Variants in PCNX2 observed in about 807,000 individuals in gnomAD.
The protein encoded by PCNX2 is pecanex-like protein 2.
PCNX2 carries 168 observed loss-of-function variants against 223.8 expected under a neutral mutation model. The ratio of observed to expected loss-of-function variants is 0.75; its 90% confidence interval spans 0.66 to 0.85. The LOEUF (loss-of-function observed/expected upper bound fraction) is 0.85. Among genes scored for constraint, PCNX2 ranks in the 40% least tolerant of loss-of-function variants. The pLI is 0.00. For missense variants in PCNX2, 2,507 were observed against 2,675.5 expected (o/e 0.94, Z 1.39); for synonymous variants, 1,006 against 1,052.6 (o/e 0.96, Z 0.86).
chr1:232,986,225 C>T lies in PCNX2; in HGVS notation c.6107G>A (p.Arg2036Lys). 1.3e-6 allele frequency: 2 copies of T among 1,559,408 alleles called. No individual in the cohort carries two copies. The highest frequency in any genetic ancestry group is 1.7e-6 in the Non-Finnish European group (2 of 1,151,430). ...SSTLSFLFGKRSFSSALVISG... is the reference protein window; with the variant it reads ...SSTLSFLFGKKSFSSALVISG... ...AATGACGAGCGCGCTGGAAAAGCTC[C>T]TCTTGCCGAAGAGGAAGCTCAGGGT... Residue 2036 changes from arginine (R) to lysine (K), a missense_variant, in exon 33 of 34, where the codon AGG becomes AAG. Arg to Lys is a conservative substitution (Grantham distance 26, BLOSUM62 2). Coordinates refer to ENST00000258229, the MANE Select transcript of PCNX2 (RefSeq NM_014801.4).
intron 27 of PCNX2, chr1:233,016,659 A>G (rs927000355): frequency 1.7e-5 from 9 of 530,096 alleles, no homozygotes; most frequent in Non-Finnish European, 2.2e-5. Context: ...TGTTTAAGTT[A>G]TAATAGAGGC....
rs377706034 is a variant in PCNX2 at position 233,085,814 on chromosome 1, G to A, written c.4076+4247C>T. Among the ~76,000 whole-genome samples, 7 of 152,238 alleles carry A rather than the reference G, an allele frequency of 4.6e-5. No individual in the cohort carries two copies. The East Asian group carries it at 1.4e-3, about 29-fold the overall frequency. ...AGGCTACACGAAAAGAGAGAAAGAT[G>A]TCCAGTTAGTCCCCAGCAGTTCCGA... is the stretch of plus-strand genomic sequence containing the variant. On this transcript the variant is annotated intron_variant, in intron 23 of 33. Transcript: ENST00000258229.
intron 28 of PCNX2, among the ~76,000 whole-genome samples, chr1:233,010,504 G>A (rs1670429529): frequency 6.6e-6 from 1 of 152,338 alleles, no homozygotes; most frequent in East Asian, 1.9e-4. Context: ...AACCTCGAAG[G>A]ATGGAACATC....
At chr1:233,165,112 G>A (rs1177825728) in intron 17 of PCNX2, among the ~76,000 whole-genome samples, 1 of 152,104 alleles carries the variant, frequency 6.6e-6, no homozygotes, top group Non-Finnish European at 1.5e-5. Context: ...ATACATGTAT[G>A]AAAACATCAC....
intron 9 of PCNX2, among the ~76,000 whole-genome samples, chr1:233,235,957 A>AAAATATATATGTGTATATATATAT (rs369886650): frequency 1.1e-5 from 1 of 93,114 alleles, no homozygotes; most frequent in African/African-American, 3.9e-5. Context: ...CATAAAAAAA[A>AAAATATATATGTGTATATATATAT]ATATATATAT....
At chr1:233,273,656 C>A (rs576850694) in intron 1 of PCNX2, among the ~76,000 whole-genome samples, 4 of 148,480 alleles carry the variant, frequency 2.7e-5, no homozygotes, top group Admixed American at 2.0e-4. Context: ...TAGAATCTTA[C>A]TCTGTCGCCA....
At chr1:233,297,890 A>G (rs1046089657), upstream of PCNX2, among the ~76,000 whole-genome samples, 2 of 152,204 alleles carry the variant, frequency 1.3e-5, no homozygotes, top group African/African-American at 4.8e-5. Context: ...TAAGGCTTAG[A>G]GATCAATTCA....
intron 1 of PCNX2, among the ~76,000 whole-genome samples, chr1:233,271,965 G>T (rs1312430901): frequency 3.3e-5 from 5 of 152,132 alleles, no homozygotes; most frequent in South Asian, 2.1e-4. Context: ...GGGCTCCTTG[G>T]TGGTTCCATA....
chr1:233,252,643 G>A lies in PCNX2; in HGVS notation c.1980C>T (p.Ala660=). ...TAAATTAAGTAACTTATCCTTACAA[G>A]GCTGTGGTCTTGGCAGGCTGAGTGC... is the stretch of plus-strand genomic sequence containing the variant. ...PACTQPAKTT[A]FFQGNRQRQI... is the part of the protein sequence containing the mutation. Residue 660 remains alanine (A), a splice_region_variant and synonymous_variant, in exon 6 of 34, where the codon GCC becomes GCT. Transcript: ENST00000258229. 3.1e-6 allele frequency: 5 copies of A among 1,609,446 alleles called. No individual in the cohort carries two copies. Among genetic ancestry groups the A allele is most frequent in the Non-Finnish European group, 3.4e-6 (4 of 1,178,762 alleles).
intron 21 of PCNX2, among the ~76,000 whole-genome samples, chr1:233,112,358 A>C (rs1675163184): frequency 6.6e-6 from 1 of 152,196 alleles, no homozygotes; most frequent in Non-Finnish European, 1.5e-5. Flanking sequence ...TTCTGGAAGC[A>C]CTTTAAGGAG....
At chr1:233,307,088 T>C in the PCNX2 span, among the ~76,000 whole-genome samples, 4 of 152,238 alleles carry the variant, frequency 2.6e-5, no homozygotes, top group African/African-American at 4.8e-5. Context: ...AAGTGTTAGC[T>C]TGACCTCAGA....
chr1:233,268,499 C>T (rs1660467434), intron 1 of PCNX2, among the ~76,000 whole-genome samples: 1 of 152,148 alleles, frequency 6.6e-6, no homozygotes, highest in Admixed American at 6.5e-5. Flanking sequence ...ACTCGGCTTT[C>T]ACAAGCTAAT....
chr1:233,308,157 A>G, the PCNX2 span, among the ~76,000 whole-genome samples: 1 of 152,218 alleles, frequency 6.6e-6, no homozygotes, highest in African/African-American at 2.4e-5. Context: ...TAAAGTTATC[A>G]AAAGACATAG....
chr1:233,262,398 T>A (rs1420848928), intron 2 of PCNX2, among the ~76,000 whole-genome samples: 2 of 152,038 alleles, frequency 1.3e-5, no homozygotes, highest in Non-Finnish European at 2.9e-5. Flanking sequence ...ACTCAAGTGA[T>A]CCTCCCACCT....
Position 232,999,241 on chromosome 1 carries a change from G to C in PCNX2, c.5467C>G (p.Gln1823Glu), listed in dbSNP as rs771341910. Residue 1823 changes from glutamine (Q) to glutamate (E), a missense_variant, in exon 31 of 34, where the codon CAG becomes GAG. Coordinates refer to ENST00000258229, the MANE Select transcript of PCNX2 (RefSeq NM_014801.4). ...ACATACATGGGGTACCCCAGGGGCTGATCGCAGGAGGAGTTAATCAAGTTC... is the reference window on the plus strand; with the variant it reads ...ACATACATGGGGTACCCCAGGGGCTCATCGCAGGAGGAGTTAATCAAGTTC... Reference protein sequence around the residue: ...LRNLINSSCDQPLGYPMYVSP... With the variant: ...LRNLINSSCDEPLGYPMYVSP... 1 of 1,613,790 alleles carries C rather than the reference G, an allele frequency of 6.2e-7. No individual in the cohort carries two copies. The highest frequency in any genetic ancestry group is 2.2e-5 in the East Asian group (1 of 44,868).
Position 233,295,205 on chromosome 1 carries a change from T to C in PCNX2, c.153+121A>G. 7.2e-7 allele frequency: 1 copy of C among 1,385,486 alleles called. No homozygotes were observed. The highest frequency in any genetic ancestry group is 9.8e-7 in the Non-Finnish European group (1 of 1,016,900). The allele number at this position is 1,385,486 out of a possible 1,614,324, so 85.8% of individuals were successfully genotyped here. On this transcript the variant is annotated intron_variant, in intron 1 of 33. Coordinates refer to ENST00000258229, the MANE Select transcript of PCNX2 (RefSeq NM_014801.4). This position sits in a 1 kb window ranked among gnomAD's most constrained non-coding sequence, Gnocchi z 4.1. ...CCCAAATTTCTGAAGCCCCTCCCTT[T>C]CCGTCTCTTAAGAATCTCTACGAAC...
chr1:233,136,585 A>T (rs1375366331), intron 20 of PCNX2, among the ~76,000 whole-genome samples: 2 of 152,200 alleles, frequency 1.3e-5, no homozygotes, highest in Non-Finnish European at 2.9e-5. Flanking sequence ...CCATGCATAC[A>T]TCACATGGGA....
chr1:232,995,885 T>C (rs764339352), intron 32 of PCNX2, among the ~76,000 whole-genome samples: 13 of 151,984 alleles, frequency 8.6e-5, no homozygotes, highest in Non-Finnish European at 1.9e-4. Flanking sequence ...TTCTTCCCCC[T>C]CCTCTCCCCC....
At chr1:233,286,846 T>C (rs1431429388) in intron 1 of PCNX2, among the ~76,000 whole-genome samples, 1 of 151,990 alleles carries the variant, frequency 6.6e-6, no homozygotes, top group African/African-American at 2.4e-5. Flanking sequence ...AGTCAACGCA[T>C]GAGGGAGGAA....
Sources: gnomAD v4.1 joint callset for allele counts (sites outside exome capture counted in the v4.1 genomes callset) on GRCh38, gnomAD v4.1.1 for gene constraint, Gnocchi (gnomAD v3.1) non-coding constraint, MANE v1.5 for transcripts, NCBI Gene and HGNC (gene_info 2026-07-23, HGNC 2026-07-21) for gene names.